Variants in PCDHGB4 observed in about 807,000 individuals in gnomAD.
The protein encoded by PCDHGB4 is protocadherin gamma-B4.
In PCDHGB4, 38 loss-of-function variants were observed where a neutral mutation model predicts 60.5. The ratio of observed to expected loss-of-function variants is 0.63; its 90% CI spans 0.48 to 0.82. The LOEUF (loss-of-function observed/expected upper bound fraction) is 0.82. Ranked by LOEUF, PCDHGB4 falls within the 40% of genes least tolerant of loss-of-function variation. PCDHGB4 has a pLI of 0.00. For synonymous variants in PCDHGB4, 456 were observed against 509.7 expected, an observed-to-expected ratio of 0.89 and a Z score of 1.42; for missense variants, 1,109 against 1,209.6, an observed-to-expected ratio of 0.92 and a Z score of 1.23.
intron 1 of PCDHGB4, chr5:141,409,395 C>T: frequency 6.2e-7 from 1 of 1,614,030 alleles, no homozygotes; most frequent in South Asian, 1.1e-5. Flanking sequence ...TATTCTTCTT[C>T]CAATAACTAC....
At chr5:141,403,986 C>T in intron 1 of PCDHGB4, 1 of 1,613,704 alleles carries the variant, frequency 6.2e-7, no homozygotes, top group Non-Finnish European at 8.5e-7. Context: ...GACAATAGAC[C>T]TGAAGTGACC....
chr5:141,434,838 A>G (rs1363952147), intron 1 of PCDHGB4, among the ~76,000 whole-genome samples: 1 of 152,022 alleles, frequency 6.6e-6, no homozygotes, highest in Non-Finnish European at 1.5e-5. Context: ...GGCATTTATA[A>G]AGCAGACATC....
At position 141,491,291 on chromosome 5, in the gene PCDHGB4, C is replaced by G; in HGVS notation, c.2398-3516C>G. On this transcript the variant is annotated intron_variant, in intron 1 of 3. Coordinates refer to ENST00000519479, the MANE Select transcript of PCDHGB4 (RefSeq NM_003736.4). The surrounding 1 kb of genome is among the most constrained non-coding windows in gnomAD (Gnocchi z 6.9). ...AAATCCAGTGACTTCCTCATACACCCTCCTGAGCGTTCAGACCTTACCCTT... is the reference window on the plus strand; with the variant it reads ...AAATCCAGTGACTTCCTCATACACCGTCCTGAGCGTTCAGACCTTACCCTT... 2 of 1,614,152 alleles carry G rather than the reference C, an allele frequency of 1.2e-6. No homozygotes were observed. The highest frequency in any genetic ancestry group is 1.7e-6 in the Non-Finnish European group (2 of 1,179,974).
At chr5:141,418,669 C>T (rs2096278985) in intron 1 of PCDHGB4, 1 of 1,614,018 alleles carries the variant, frequency 6.2e-7, no homozygotes, top group Non-Finnish European at 8.5e-7. Flanking sequence ...CTGACCAGGA[C>T]GAGGGCATCA....
chr5:141,395,063 G>A, intron 1 of PCDHGB4: 3 of 1,614,168 alleles, frequency 1.9e-6, no homozygotes, highest in Non-Finnish European at 2.5e-6. Flanking sequence ...AGGCTTTCCT[G>A]CAGACCTATT....
Position 141,431,706 on chromosome 5 carries a change from AG to A in PCDHGB4, c.2397+41426del. The A allele has an allele frequency of 6.2e-7, 1 of 1,614,248 alleles. No homozygotes were observed. The highest frequency in any genetic ancestry group is 8.5e-7 in the Non-Finnish European group (1 of 1,180,048). ...GACCACGAGGAGTCAGGATTCTACC[AG>A]ATGGAAGTGCAAGCAATGGATAATG... On this transcript the variant is annotated intron_variant, in intron 1 of 3. Coordinates refer to ENST00000519479, the MANE Select transcript of PCDHGB4 (RefSeq NM_003736.4). This position sits in a 1 kb window ranked among gnomAD's most constrained non-coding sequence, Gnocchi z 4.8.
intron 1 of PCDHGB4, among the ~76,000 whole-genome samples, chr5:141,484,764 A>G (rs1469048336): frequency 6.6e-6 from 1 of 151,806 alleles, no homozygotes; most frequent in African/African-American, 2.4e-5. Flanking sequence ...ATATATATAT[A>G]TGTTGTCTGC....
intron 1 of PCDHGB4, among the ~76,000 whole-genome samples, chr5:141,464,794 A>C (rs2154568597): frequency 6.6e-6 from 1 of 152,128 alleles, no homozygotes; most frequent in East Asian, 1.9e-4. Flanking sequence ...GCCAAATTGC[A>C]GTGATGCAGT....
intron 1 of PCDHGB4, chr5:141,410,249 G>A (rs371076854): frequency 1.2e-6 from 2 of 1,613,992 alleles, no homozygotes; most frequent in Non-Finnish European, 8.5e-7. Flanking sequence ...TGTACTCTCT[G>A]ACCCCCAGGC....
rs776975666 is a variant in PCDHGB4 at position 141,432,850 on chromosome 5, G to A, written c.2397+42569G>A. The A allele has an allele frequency of 6.2e-7, 1 of 1,614,170 alleles. No homozygotes were observed. The highest frequency in any genetic ancestry group is 1.1e-5 in the South Asian group (1 of 91,088). ...TCACTCTGTACCTGGTGGTAGCGGT[G>A]GCCGCGGTCTCCTGCGTCTTCCTGG... is the stretch of plus-strand genomic sequence containing the variant. On this transcript the variant is annotated intron_variant, in intron 1 of 3. Coordinates refer to ENST00000519479, the MANE Select transcript of PCDHGB4 (RefSeq NM_003736.4). The surrounding 1 kb of genome is among the most constrained non-coding windows in gnomAD (Gnocchi z 6.0).
rs1185679701 is a variant in PCDHGB4, at chr5:141,511,384, G to A, written c.*211G>A. On this transcript the variant is annotated 3_prime_UTR_variant, in exon 4 of 4. Coordinates refer to ENST00000519479, the MANE Select transcript of PCDHGB4 (RefSeq NM_003736.4). ...TTGAATATGCAAAAGCAGTTCCGCT[G>A]GGAACCCCCATCCAATCAACTGCTG... is the stretch of plus-strand genomic sequence containing the variant. 3.5e-6 allele frequency: 4 copies of A among 1,154,490 alleles called. No homozygotes were observed. Among genetic ancestry groups the A allele is most frequent in the Admixed American group, 2.9e-5 (1 of 34,748 alleles). 71.5% of individuals were successfully genotyped at this position (1,154,490 alleles called of 1,614,324 possible). A position where few individuals can be genotyped will look rare whatever the true frequency, so the allele number is the denominator to read the frequency against.
In PCDHGB4 at chr5:141,389,466, C is replaced by T. The variant is rs760000487; in HGVS notation, c.1582C>T (p.Leu528Phe). The change falls in exon 1 of 4, where the codon CTC becomes TTC. Residue 528 changes from leucine (L) to phenylalanine (F), a missense_variant. Leu to Phe is a conservative substitution (Grantham distance 22). Around this residue, in one of 2 missense-constraint regions of PCDHGB4, gnomAD observed 1,068 missense variants for 1,089.9 expected, o/e 0.98. Transcript: ENST00000519479. ...CCACGAGCAGCTGCGCGCCTTCGAACTCACACTGCAGGCCCGCGACCAGGG... is the reference window on the plus strand; with the variant it reads ...CCACGAGCAGCTGCGCGCCTTCGAATTCACACTGCAGGCCCGCGACCAGGG... ...FDHEQLRAFE[L>F]TLQARDQGSP... The T allele has an allele frequency of 6.2e-7, 1 of 1,613,330 alleles. No homozygotes were observed. Among genetic ancestry groups the T allele is most frequent in the East Asian group, 2.2e-5 (1 of 44,884 alleles).
At chr5:141,446,642 A>T (rs939365233) in intron 1 of PCDHGB4, among the ~76,000 whole-genome samples, 2 of 151,970 alleles carry the variant, frequency 1.3e-5, no homozygotes, top group Admixed American at 1.3e-4. Flanking sequence ...ACGCCTGGCT[A>T]ATTTTTGTAT....
intron 1 of PCDHGB4, chr5:141,414,814 A>C (rs1368279926): frequency 6.2e-7 from 1 of 1,614,100 alleles, no homozygotes; most frequent in African/African-American, 1.3e-5. Flanking sequence ...TCCTCCACTC[A>C]GCAGCAACGT....
chr5:141,418,224 T>C (rs756997971), intron 1 of PCDHGB4: 1 of 1,613,998 alleles, frequency 6.2e-7, no homozygotes, highest in Non-Finnish European at 8.5e-7. Flanking sequence ...GTCATTGTGG[T>C]GATTGAGGAT....
rs1407774111 is a variant in PCDHGB4 at position 141,431,569 on chromosome 5, C to G, written c.2397+41288C>G. On this transcript the variant is annotated intron_variant, in intron 1 of 3. Transcript: ENST00000519479. The surrounding 1 kb of genome is among the most constrained non-coding windows in gnomAD (Gnocchi z 4.8). Reference sequence around the variant, plus strand: ...TTGTAGTCAACGCTACCGACCCTGACGAAGGAGTCAATGCGGAAGTGAGGT... The same window carrying G: ...TTGTAGTCAACGCTACCGACCCTGAGGAAGGAGTCAATGCGGAAGTGAGGT... 5.6e-6 allele frequency: 9 copies of G among 1,614,000 alleles called. No homozygotes were observed. Among genetic ancestry groups the G allele is most frequent in the African/African-American group, 2.7e-5 (2 of 74,932 alleles).
At chr5:141,447,861 G>A (rs2098553733) in intron 1 of PCDHGB4, among the ~76,000 whole-genome samples, 1 of 152,120 alleles carries the variant, frequency 6.6e-6, no homozygotes, top group Non-Finnish European at 1.5e-5. Flanking sequence ...CGAGGTGGGT[G>A]AATCATCTGA....
chr5:141,398,832 C>T (rs967769671), intron 1 of PCDHGB4: 3 of 1,614,000 alleles, frequency 1.9e-6, no homozygotes, highest in Non-Finnish European at 1.7e-6. Flanking sequence ...TAACCGACGC[C>T]AATGATAATC....
chr5:141,490,998 C>T lies in PCDHGB4; in HGVS notation c.2398-3809C>T, dbSNP rs1284919124. 5 of 1,614,014 alleles carry T rather than the reference C, an allele frequency of 3.1e-6. No homozygotes were observed. The highest frequency in any genetic ancestry group is 1.7e-5 in the Admixed American group (1 of 60,016). On this transcript the variant is annotated intron_variant, in intron 1 of 3. Coordinates refer to ENST00000519479, the MANE Select transcript of PCDHGB4 (RefSeq NM_003736.4). The surrounding 1 kb of genome is among the most constrained non-coding windows in gnomAD (Gnocchi z 5.4). Reference sequence around the variant, plus strand: ...GTCTCCCTCGCTCTGCTCCTCCTGGCTCCTTGGTCACCAAGGTGACAGCCG... The same window carrying T: ...GTCTCCCTCGCTCTGCTCCTCCTGGTTCCTTGGTCACCAAGGTGACAGCCG...
Sources: allele counts gnomAD v4.1 joint callset (sites outside exome capture counted in the v4.1 genomes callset), GRCh38; gene constraint gnomAD v4.1.1; regional missense constraint gnomAD v4.1.1; non-coding constraint Gnocchi (gnomAD v3.1); transcripts MANE v1.5; gene names NCBI Gene and HGNC (gene_info 2026-07-23, HGNC 2026-07-21).